The following NSL1 variants were observed in gnomAD, a reference collection of about 807,000 sequenced individuals.
NSL1 encodes kinetochore-associated protein NSL1 homolog.
Under a neutral mutation model 25.4 loss-of-function variants are expected in NSL1, and 11 were observed. The observed-to-expected ratio is 0.43, with a 90% CI of 0.27 to 0.72. The LOEUF (loss-of-function observed/expected upper bound fraction) is 0.72. Among genes scored for constraint, NSL1 ranks in the 30% least tolerant of loss-of-function variants. The probability of loss-of-function intolerance (pLI) is 0.19; values close to 1 mark genes in which losing one functional copy is unlikely to be tolerated. For missense variants in NSL1, 330 were observed against 342.7 expected, an observed-to-expected ratio of 0.96 and a Z score of 0.29; for synonymous variants, 118 against 120.6, an observed-to-expected ratio of 0.98 and a Z score of 0.14.
chr1:212,741,125 C>T (rs1658482586), intron 4 of NSL1, among the ~76,000 whole-genome samples: 1 of 152,042 alleles, frequency 6.6e-6, no homozygotes, highest in South Asian at 2.1e-4. Context: ...GAAATAACAT[C>T]ATAATTTCTA....
Position 212,727,353 on chromosome 1 carries a change from C to T in NSL1, c.*11055G>A, listed in dbSNP as rs1309039681. 18 of 985,276 alleles carry T rather than the reference C, an allele frequency of 1.8e-5. No homozygotes were observed. The Admixed American group carries it at 1.1e-3, about 61-fold the overall frequency. The allele number at this position is 985,276 out of a possible 1,614,324, so 61.0% of individuals were successfully genotyped here. A position where few individuals can be genotyped will look rare whatever the true frequency, so the allele number is the denominator to read the frequency against. Reference sequence around the variant, plus strand: ...GGGCAGTAAGTCCTGGCACTCAGCACATGGCAGGAAGGTCACTTAACCAGG... The same window carrying T: ...GGGCAGTAAGTCCTGGCACTCAGCATATGGCAGGAAGGTCACTTAACCAGG... On this transcript the variant is annotated 3_prime_UTR_variant, in exon 6 of 6. Coordinates refer to ENST00000366977, the MANE Select transcript of NSL1 (RefSeq NM_015471.4).
chr1:212,761,258 G>A (rs1181373573), intron 4 of NSL1, among the ~76,000 whole-genome samples: 1 of 152,162 alleles, frequency 6.6e-6, no homozygotes, highest in Admixed American at 6.5e-5. Context: ...CAGTGAAAAA[G>A]AAATCTATAG....
intron 4 of NSL1, among the ~76,000 whole-genome samples, chr1:212,762,306 C>CAAAAAAAAAAAAA (rs71147025): frequency 2.2e-4 from 25 of 114,616 alleles, no homozygotes; most frequent in African/African-American, 5.7e-4. Flanking sequence ...TTAAAAGAAA[C>CAAAAAAAAAAAAA]AAAAAAAAAA....
chr1:212,760,818 T>A lies in NSL1; in HGVS notation c.500-21217A>T, dbSNP rs1386031025. On this transcript the variant is annotated intron_variant, in intron 4 of 5. Transcript: ENST00000366977. The surrounding 1 kb of genome is among the most constrained non-coding windows in gnomAD (Gnocchi z 4.3). ...CTGCCTGGACCTGATAACACTAGTA[T>A]CTGTGTACACTGCCAAGGGAACCAA... Among the ~76,000 whole-genome samples the A allele has an allele frequency of 6.6e-6, 1 of 152,172 alleles. No homozygotes were observed. Among genetic ancestry groups the A allele is most frequent in the Non-Finnish European group, 1.5e-5 (1 of 68,044 alleles).
chr1:212,768,047 C>T (rs112313884), intron 4 of NSL1, among the ~76,000 whole-genome samples: 6 of 152,156 alleles, frequency 3.9e-5, no homozygotes, highest in African/African-American at 1.4e-4. Context: ...GGGCCGGGCA[C>T]GGCGGCTCAC....
intron 4 of NSL1, among the ~76,000 whole-genome samples, chr1:212,781,565 C>T (rs1660733995): frequency 6.6e-6 from 1 of 152,120 alleles, no homozygotes; most frequent in Non-Finnish European, 1.5e-5. Context: ...ATCCCATTAG[C>T]TTAGGATATT....
intron 1 of NSL1, among the ~76,000 whole-genome samples, chr1:212,790,940 TA>T (rs1231733756): frequency 1.4e-4 from 21 of 145,578 alleles, no homozygotes; most frequent in African/African-American, 5.0e-4. Context: ...AAAAATAAAA[TA>T]AAATAAATAA....
Position 212,737,948 on chromosome 1 carries a change from C to A in NSL1, c.*460G>T. Reference sequence around the variant, plus strand: ...ATCAAACTACATCTTTAAAAAAAAACCCTGCATCTGCTGCTGTGCAGAACT... The same window carrying A: ...ATCAAACTACATCTTTAAAAAAAAAACCTGCATCTGCTGCTGTGCAGAACT... On this transcript the variant is annotated 3_prime_UTR_variant, in exon 6 of 6. Transcript: ENST00000366977. 1.0e-6 allele frequency: 1 copy of A among 985,408 alleles called. No homozygotes were observed. Among genetic ancestry groups the A allele is most frequent in the Non-Finnish European group, 1.2e-6 (1 of 830,076 alleles). 61.0% of individuals were successfully genotyped at this position (985,408 alleles called of 1,614,324 possible).
intron 4 of NSL1, among the ~76,000 whole-genome samples, chr1:212,755,605 CTG>C (rs1364726189): frequency 6.3e-5 from 6 of 95,790 alleles, no homozygotes; most frequent in East Asian, 2.7e-4. Flanking sequence ...AAAAAAACCC[CTG>C]TGTCTACCTA....
chr1:212,751,720 A>C (rs1051992189), intron 4 of NSL1, among the ~76,000 whole-genome samples: 3 of 152,078 alleles, frequency 2.0e-5, no homozygotes, highest in African/African-American at 7.2e-5. Context: ...CATTTTTTTT[A>C]AAGACAAAAG....
intron 4 of NSL1, among the ~76,000 whole-genome samples, chr1:212,749,327 G>A (rs2102440328): frequency 7.1e-6 from 1 of 140,018 alleles, no homozygotes; most frequent in Admixed American, 7.3e-5. Context: ...AAGGGATTTT[G>A]CGTTTTATTG....
rs1232923853 is a variant in NSL1 at position 212,737,087 on chromosome 1, G to A, written c.*1321C>T. The A allele has an allele frequency of 6.1e-6, 6 of 985,300 alleles. No individual in the cohort carries two copies. The highest frequency in any genetic ancestry group is 7.2e-6 in the Non-Finnish European group (6 of 829,930). 61.0% of individuals were successfully genotyped at this position (985,300 alleles called of 1,614,324 possible). On this transcript the variant is annotated 3_prime_UTR_variant, in exon 6 of 6. Coordinates refer to ENST00000366977, the MANE Select transcript of NSL1 (RefSeq NM_015471.4). The stretch of plus-strand genomic sequence containing the variant: ...GAAGTCTAGTATGTTCAGAAACGCA[G>A]GGTGCTGACCCACCATCCAACTGAA...
Position 212,760,604 on chromosome 1 carries a change from C to G in NSL1, c.500-21003G>C, listed in dbSNP as rs1026658795. 2.0e-5 allele frequency among the ~76,000 whole-genome samples: 3 copies of G among 152,064 alleles called. No individual in the cohort carries two copies. Among genetic ancestry groups the G allele is most frequent in the Non-Finnish European group, 4.4e-5 (3 of 67,984 alleles). ...AATGTGCTCTGGGGGGACTGGCCAG[C>G]CCAGTCCATTGCCACCACCACTGCC... is the stretch of plus-strand genomic sequence containing the variant. On this transcript the variant is annotated intron_variant, in intron 4 of 5. Coordinates refer to ENST00000366977, the MANE Select transcript of NSL1 (RefSeq NM_015471.4). The surrounding 1 kb of genome is among the most constrained non-coding windows in gnomAD (Gnocchi z 4.3).
chr1:212,759,180 GA>G (rs905772047), intron 4 of NSL1, among the ~76,000 whole-genome samples: 33 of 150,194 alleles, frequency 2.2e-4, no homozygotes, highest in East Asian at 1.2e-3. Flanking sequence ...GCAACCAAAG[GA>G]AAAAAAAATA....
intron 4 of NSL1, among the ~76,000 whole-genome samples, chr1:212,755,356 G>A (rs568715981): frequency 2.3e-4 from 35 of 151,972 alleles, no homozygotes; most frequent in African/African-American, 8.4e-4. Flanking sequence ...TCAGATAAAA[G>A]TATATATGGA....
chr1:212,742,264 G>T (rs1348965912), intron 4 of NSL1, among the ~76,000 whole-genome samples: 1 of 152,088 alleles, frequency 6.6e-6, no homozygotes, highest in Non-Finnish European at 1.5e-5. Context: ...AGTAAGCTTG[G>T]ACTTAAGAAA....
In NSL1 at chr1:212,731,380, A is replaced by AC; in HGVS notation, c.*7027dup. On this transcript the variant is annotated 3_prime_UTR_variant, in exon 6 of 6. Transcript: ENST00000366977. ...AGACCAGCCGGGGCAATATGGCGAG[A>AC]CCCCATCTCTAAAACAAATAAACTA... 2.0e-6 allele frequency: 2 copies of AC among 982,222 alleles called. No individual in the cohort carries two copies. The highest frequency in any genetic ancestry group is 2.4e-6 in the Non-Finnish European group (2 of 827,162). 60.8% of individuals were successfully genotyped at this position (982,222 alleles called of 1,614,324 possible).
chr1:212,748,583 T>C (rs1658916735), intron 4 of NSL1, among the ~76,000 whole-genome samples: 1 of 152,128 alleles, frequency 6.6e-6, no homozygotes, highest in African/African-American at 2.4e-5. Context: ...ATAACACCAA[T>C]TTAAAGAAGG....
intron 4 of NSL1, among the ~76,000 whole-genome samples, chr1:212,774,051 G>A (rs1571906997): frequency 6.6e-6 from 1 of 152,094 alleles, no homozygotes; most frequent in African/African-American, 2.4e-5. Flanking sequence ...AAGGGTATGT[G>A]CGGAGCGGGG....
Sources: gnomAD v4.1 joint callset for allele counts (sites outside exome capture counted in the v4.1 genomes callset) on GRCh38, gnomAD v4.1.1 for gene constraint, Gnocchi (gnomAD v3.1) non-coding constraint, MANE v1.5 for transcripts, NCBI Gene and HGNC (gene_info 2026-07-23, HGNC 2026-07-21) for gene names.